ZC3H13: variants seen among roughly 807,000 people sequenced by gnomAD.
ZC3H13 encodes zinc finger CCCH-type containing 13.
A neutral mutation model predicts 204.1 loss-of-function variants in ZC3H13; 64 were observed. The ratio of observed to expected loss-of-function variants is 0.31; its 90% CI spans 0.26 to 0.39. The LOEUF (loss-of-function observed/expected upper bound fraction) is 0.39, where lower values mean the gene tolerates loss of function less well. Ranked by LOEUF, ZC3H13 falls within the 10% of genes least tolerant of loss-of-function variation. The pLI is 1.00. For missense variants in ZC3H13, 1,833 were observed against 2,082.7 expected (o/e 0.88, Z 2.33); for synonymous variants, 667 against 693.7 (o/e 0.96, Z 0.60).
At chr13:45,989,201 T>G in intron 8 of ZC3H13, 104 bp from the exon 9 acceptor site, 5 of 1,081,920 alleles carry the variant, frequency 4.6e-6, no homozygotes, top group Non-Finnish European at 6.5e-6. Context: ...GTATAGACAA[T>G]AACTTCAGAA....
chr13:45,985,837 G>A, intron 9 of ZC3H13, 76 bp from the exon 10 acceptor site: 2 of 1,312,440 alleles, frequency 1.5e-6, no homozygotes, highest in Non-Finnish European at 2.1e-6. Context: ...ATTTAATACA[G>A]AACTTTAAAA....
intron 15 of ZC3H13, among the ~76,000 whole-genome samples, chr13:45,965,913 T>G (rs368239698): frequency 6.6e-6 from 1 of 152,194 alleles, no homozygotes; most frequent in Non-Finnish European, 1.5e-5. Context: ...TAGCTCATTA[T>G]ATAAACTTTA....
Position 45,957,273 on chromosome 13 carries a change from T to C in ZC3H13, c.4864A>G (p.Ser1622Gly), listed in dbSNP as rs1418459890. 2 of 1,537,154 alleles carry C rather than the reference T, an allele frequency of 1.3e-6. No individual in the cohort carries two copies. Among genetic ancestry groups the C allele is most frequent in the Admixed American group, 4.0e-5 (2 of 49,594 alleles). Residue 1622 changes from serine (S) to glycine (G), a missense_variant, in exon 19 of 19, where the codon AGT (serine) becomes GGT (glycine). Ser to Gly is a moderately conservative substitution (Grantham distance 56). Transcript: ENST00000679008. ...EKGTIKQAYT[S>G]APMVDNELLR... ...AATTCATTGTCTACCATTGGAGCAC[T>C]CGTGTAAGCTTGTTTTATGGTGCCC...
chr13:46,023,009 G>A (rs991292667), intron 4 of ZC3H13, among the ~76,000 whole-genome samples: 1 of 151,944 alleles, frequency 6.6e-6, no homozygotes, highest in African/African-American at 2.4e-5. Context: ...TTTATTTCTT[G>A]AACATTATAT....
chr13:45,986,367 A>G (rs1424249473), intron 9 of ZC3H13, among the ~76,000 whole-genome samples: 2 of 152,220 alleles, frequency 1.3e-5, no homozygotes, highest in African/African-American at 4.8e-5. Flanking sequence ...CTGAGGTAGG[A>G]AGATCACTTG....
intron 12 of ZC3H13, 61 bp downstream of exon 12, chr13:45,975,222 T>C (rs1952919356): frequency 1.3e-6 from 2 of 1,548,840 alleles, no homozygotes; most frequent in Admixed American, 3.9e-5. Context: ...AAGCATTAAA[T>C]GAAACTTTGA....
intron 8 of ZC3H13, among the ~76,000 whole-genome samples, chr13:46,001,860 T>C (rs148150455): frequency 1.7e-3 from 265 of 151,934 alleles, no homozygotes; most frequent in African/African-American, 6.2e-3. Context: ...GAGTAAAATA[T>C]AGAGTATAGT....
Position 45,989,796 on chromosome 13 carries a change from T to C in ZC3H13, c.945-699A>G, listed in dbSNP as rs148852163. Among the ~76,000 whole-genome samples, 486 of 69,132 alleles carry C rather than the reference T, an allele frequency of 7.0e-3. 1 individual carries two copies. Among genetic ancestry groups the C allele is most frequent in the Non-Finnish European group, 9.6e-3 (354 of 36,704 alleles). 45.4% of individuals were successfully genotyped at this position (69,132 alleles called of 152,430 possible). ...ACATAACCTCATGAAACAGATGTGA[T>C]CATTAAGCACATCTGAATCACTCCT... is the stretch of plus-strand genomic sequence containing the variant. On this transcript the variant is annotated intron_variant, in intron 8 of 18. Coordinates refer to ENST00000679008, the MANE Select transcript of ZC3H13 (RefSeq NM_001330564.2).
chr13:45,987,915 A>G (rs935411493), intron 9 of ZC3H13, among the ~76,000 whole-genome samples: 17 of 152,218 alleles, frequency 1.1e-4, no homozygotes, highest in African/African-American at 4.1e-4. Context: ...CCAGGTAACA[A>G]TAAAATCTCA....
chr13:46,052,548 G>A lies in ZC3H13; in HGVS notation c.-154C>T, dbSNP rs1365490746. Reference sequence around the variant, plus strand: ...AAAGCGATGCGCGCGCGGCTCCCGGGAACCGGCTCTTGGCTAGCGAGGAGC... The same window carrying A: ...AAAGCGATGCGCGCGCGGCTCCCGGAAACCGGCTCTTGGCTAGCGAGGAGC... On this transcript the variant is annotated 5_prime_UTR_variant, in exon 1 of 19. Transcript: ENST00000679008. 2.5e-6 allele frequency: 1 copy of A among 398,768 alleles called. No individual in the cohort carries two copies. Among genetic ancestry groups the A allele is most frequent in the Non-Finnish European group, 4.4e-6 (1 of 226,198 alleles). The allele number at this position is 398,768 out of a possible 1,614,324, so 24.7% of individuals were successfully genotyped here.
chr13:45,994,315 G>C (rs543753002), intron 8 of ZC3H13, among the ~76,000 whole-genome samples: 1 of 152,294 alleles, frequency 6.6e-6, no homozygotes, highest in Admixed American at 6.5e-5. Flanking sequence ...AAGTTTGGGG[G>C]GAGTCAAAAG....
intron 5 of ZC3H13, 75 bp from the exon 6 acceptor site, chr13:46,011,629 A>C (rs2041568934): frequency 8.2e-7 from 1 of 1,219,134 alleles, no homozygotes; most frequent in Non-Finnish European, 1.1e-6. Flanking sequence ...ACTTTTTTCA[A>C]CTAATTTCTT....
At position 45,960,359 on chromosome 13, in the gene ZC3H13, C is replaced by T. The variant is rs1951591953; in HGVS notation, c.4676-713G>A. ...TCAGTATACTGCTTACCATCAACTA[C>T]TATTTAGAGTTTTAGATTTCAAGAC... On this transcript the variant is annotated intron_variant, in intron 17 of 18. Coordinates refer to ENST00000679008, the MANE Select transcript of ZC3H13 (RefSeq NM_001330564.2). Among the ~76,000 whole-genome samples the T allele has an allele frequency of 2.0e-5, 3 of 152,298 alleles. 1 individual carries two copies. In the South Asian group the frequency reaches 6.2e-4, roughly 32 times the overall value.
Position 46,011,522 on chromosome 13 carries a change from C to A in ZC3H13, c.481G>T (p.Val161Phe). The change falls in exon 6 of 19, where the codon GTT becomes TTT. Residue 161 changes from valine (V) to phenylalanine (F), a missense_variant. Around this residue, in one of 5 missense-constraint regions of ZC3H13, gnomAD observed 1,574 missense variants for 1,757.2 expected, o/e 0.90. Transcript: ENST00000679008. ...TTCATTTCCAATGACAATTCATGAA[C>A]ATAATCATAATTAATATCTCCATTG... ...SDNGDINYDYVHELSLEMKRQ... is the reference protein window; with the variant it reads ...SDNGDINYDYFHELSLEMKRQ... 6.3e-7 allele frequency: 1 copy of A among 1,591,304 alleles called. No homozygotes were observed. The highest frequency in any genetic ancestry group is 8.6e-7 in the Non-Finnish European group (1 of 1,168,608).
At position 45,981,218 on chromosome 13, in the gene ZC3H13, C is replaced by T. The variant is rs185484176; in HGVS notation, c.1721-1214G>A. Among the ~76,000 whole-genome samples the T allele has an allele frequency of 1.5e-4, 23 of 152,256 alleles. No individual in the cohort carries two copies. The East Asian group carries it at 4.2e-3, about 28-fold the overall frequency. On this transcript the variant is annotated intron_variant, in intron 10 of 18. Transcript: ENST00000679008. ...CCTGCCCTCAACCTCATAGAATTAC[C>T]ATGGATAAATCTTTGACAAAGATGA...
rs529437081 is a variant in ZC3H13 at position 46,020,668 on chromosome 13, T to A, written c.340-111A>T. ...CATTCATCTCTGTTTCATCAAAGAATCAGTTTTGTAAATAGTCACTTATCC... is the reference window on the plus strand; with the variant it reads ...CATTCATCTCTGTTTCATCAAAGAAACAGTTTTGTAAATAGTCACTTATCC... On this transcript the variant is annotated intron_variant, in intron 4 of 18. Transcript: ENST00000679008. 9.4e-6 allele frequency: 7 copies of A among 744,152 alleles called. No homozygotes were observed. In the South Asian group the frequency reaches 1.4e-4, roughly 15 times the overall value. The allele number at this position is 744,152 out of a possible 1,614,324, so 46.1% of individuals were successfully genotyped here. A position where few individuals can be genotyped will look rare whatever the true frequency, so the allele number is the denominator to read the frequency against.
At position 45,979,887 on chromosome 13, in the gene ZC3H13, TTGTCTCTTTCAGGATATC is replaced by T; in HGVS notation, c.1820_1837del (p.Arg607_Asp612del). On this transcript the variant is annotated inframe_deletion, in exon 11 of 19. Coordinates refer to ENST00000679008, the MANE Select transcript of ZC3H13 (RefSeq NM_001330564.2). ...GGAAGAATCCCTTGCTTGATCTCTG[TTGTCTCTTTCAGGATATC>T]TATCTCTTTCAGGATAGCTACTTCG... is the stretch of plus-strand genomic sequence containing the variant. 6.2e-7 allele frequency: 1 copy of T among 1,611,336 alleles called. No homozygotes were observed. The highest frequency in any genetic ancestry group is 1.1e-5 in the South Asian group (1 of 90,914).
At chr13:46,042,058 C>T (rs1209002436) in intron 4 of ZC3H13, 106 bp downstream of exon 4, 1 of 823,006 alleles carries the variant, frequency 1.2e-6, no homozygotes, top group Non-Finnish European at 2.0e-6. Context: ...CATTATAATG[C>T]CGTATTACAC....
At chr13:46,002,781 A>G (rs780206055) in intron 8 of ZC3H13, among the ~76,000 whole-genome samples, 4 of 152,158 alleles carry the variant, frequency 2.6e-5, no homozygotes, top group Non-Finnish European at 4.4e-5. Context: ...GGAAAGGGGG[A>G]GTTATTTTTT....
Sources: allele counts gnomAD v4.1 joint callset (sites outside exome capture counted in the v4.1 genomes callset), GRCh38; gene constraint gnomAD v4.1.1; regional missense constraint gnomAD v4.1.1; transcripts MANE v1.5; gene names NCBI Gene and HGNC (gene_info 2026-07-23, HGNC 2026-07-21).